SETD3: variants seen among roughly 807,000 people sequenced by gnomAD.
The protein encoded by SETD3 is SET domain containing 3, actin N3(tau)-histidine methyltransferase, also known as actin-histidine N-methyltransferase.
SETD3 carries 19 observed loss-of-function variants against 63.0 expected under a neutral mutation model. That is an observed-to-expected ratio of 0.30 (90% CI 0.21 to 0.44). The LOEUF is 0.44. SETD3 is among the 20% of genes least tolerant of loss of function. The pLI is 1.00. For missense variants in SETD3, 587 were observed against 728.5 expected (o/e 0.81, Z 2.24); for synonymous variants, 286 against 264.1 (o/e 1.08, Z -0.80).
intron 6 of SETD3, among the ~76,000 whole-genome samples, chr14:99,422,428 G>C (rs967297349): frequency 1.3e-5 from 2 of 152,150 alleles, no homozygotes; most frequent in East Asian, 3.9e-4. Flanking sequence ...TTATTGTCAT[G>C]TTGTTAGGGA....
At chr14:99,482,237 C>A (rs1244115537), upstream of SETD3, among the ~76,000 whole-genome samples, 1 of 152,188 alleles carries the variant, frequency 6.6e-6, no homozygotes, top group African/African-American at 2.4e-5. Flanking sequence ...GGGTGGTCTT[C>A]TGTGTTTTTA....
At chr14:99,417,025 C>A (rs1177116347) in intron 6 of SETD3, among the ~76,000 whole-genome samples, 1 of 152,132 alleles carries the variant, frequency 6.6e-6, no homozygotes, top group African/African-American at 2.4e-5. Flanking sequence ...TAAAAAAGAG[C>A]AATATTGCTA....
At chr14:99,485,982 T>C in the SETD3 span, among the ~76,000 whole-genome samples, 1 of 152,266 alleles carries the variant, frequency 6.6e-6, no homozygotes, top group Non-Finnish European at 1.5e-5. Flanking sequence ...TATGTGTATA[T>C]ATGTATTTTC....
At chr14:99,433,522 C>T (rs952860771) in intron 6 of SETD3, among the ~76,000 whole-genome samples, 1 of 152,024 alleles carries the variant, frequency 6.6e-6, no homozygotes, top group Non-Finnish European at 1.5e-5. Context: ...ACTGCAACTG[C>T]TGCCTCCCAG....
intron 6 of SETD3, among the ~76,000 whole-genome samples, chr14:99,444,765 G>A (rs955122669): frequency 6.6e-6 from 1 of 151,916 alleles, no homozygotes; most frequent in Non-Finnish European, 1.5e-5. Flanking sequence ...AGCCTGGCAG[G>A]TGGAGGCTGC....
At chr14:99,482,784 A>G (rs1270095587), upstream of SETD3, among the ~76,000 whole-genome samples, 4 of 152,224 alleles carry the variant, frequency 2.6e-5, no homozygotes, top group Non-Finnish European at 4.4e-5. Context: ...TGAATGTCAT[A>G]AAGAAAAATT....
intron 1 of SETD3, among the ~76,000 whole-genome samples, chr14:99,471,706 AG>A (rs1198139822): frequency 6.6e-6 from 1 of 152,246 alleles, no homozygotes; most frequent in Non-Finnish European, 1.5e-5. Context: ...GAAAAGCTTT[AG>A]GACATTACAT....
chr14:99,461,400 G>T, intron 3 of SETD3, 60 bp from the exon 4 acceptor site: 1 of 1,531,154 alleles, frequency 6.5e-7, no homozygotes. Flanking sequence ...TCATTCACAC[G>T]TCTCTCAGAA....
chr14:99,415,459 C>T (rs1183528521), intron 6 of SETD3, among the ~76,000 whole-genome samples: 2 of 152,126 alleles, frequency 1.3e-5, no homozygotes, highest in Admixed American at 6.5e-5. Context: ...TAGCCTTGGA[C>T]CCTACACAAC....
rs1478727044 is a variant in SETD3, at chr14:99,403,474, CTCTCTCTCTCTCTCTT to C, written c.1177+735_1177+750del. On this transcript the variant is annotated intron_variant, in intron 11 of 12. Transcript: ENST00000331768. Reference sequence around the variant, plus strand: ...ACACACACTCTCTCTCTCTCTCTCTCTCTCTCTCTCTCTCTTTCTCTCTCTTAAAAATGAAACCTCA... The same window carrying C: ...ACACACACTCTCTCTCTCTCTCTCTCTCTCTCTCTTAAAAATGAAACCTCA... 5.6e-3 allele frequency among the ~76,000 whole-genome samples: 846 copies of C among 150,342 alleles called. 11 individuals are homozygous for C. The highest frequency in any genetic ancestry group is 0.02 in the African/African-American group (808 of 40,104).
chr14:99,410,279 GGTT>G, intron 8 of SETD3: 1 of 1,611,486 alleles, frequency 6.2e-7, no homozygotes, highest in Non-Finnish European at 8.5e-7. Flanking sequence ...TGGGGGGACA[GGTT>G]GTTCGGAGAG....
intron 6 of SETD3, among the ~76,000 whole-genome samples, chr14:99,446,600 AG>A (rs1283807898): frequency 6.6e-6 from 1 of 152,092 alleles, no homozygotes; most frequent in East Asian, 1.9e-4. Context: ...CCTGCGTCAC[AG>A]GTAAGGTGGG....
chr14:99,432,667 G>GT (rs1268419650), intron 6 of SETD3, among the ~76,000 whole-genome samples: 1 of 152,194 alleles, frequency 6.6e-6, no homozygotes, highest in Non-Finnish European at 1.5e-5. Flanking sequence ...GGATGCAGAC[G>GT]TAACAGTGAC....
At chr14:99,405,133 C>A in intron 10 of SETD3, 72 bp downstream of exon 10, 2 of 1,517,512 alleles carry the variant, frequency 1.3e-6, no homozygotes, top group Non-Finnish European at 1.8e-6. Flanking sequence ...ATTAACACAC[C>A]AATTAAACAC....
upstream of SETD3, among the ~76,000 whole-genome samples, chr14:99,485,190 C>T (rs1307676087): frequency 6.6e-6 from 1 of 152,176 alleles, no homozygotes; most frequent in Non-Finnish European, 1.5e-5. Flanking sequence ...GCCTTGGAAC[C>T]TAAAGGGACC....
At chr14:99,468,938 G>A (rs1895544406) in intron 1 of SETD3, among the ~76,000 whole-genome samples, 1 of 152,178 alleles carries the variant, frequency 6.6e-6, no homozygotes, top group South Asian at 2.1e-4. Context: ...TGAGCTCCCA[G>A]GGAAGAGCAT....
intron 1 of SETD3, among the ~76,000 whole-genome samples, chr14:99,473,545 G>T (rs754493911): frequency 6.6e-6 from 1 of 152,174 alleles, no homozygotes; most frequent in Non-Finnish European, 1.5e-5. Context: ...CTCAAGCACA[G>T]CATCTGTTTT....
At chr14:99,408,221 C>T (rs1434841970) in intron 8 of SETD3, among the ~76,000 whole-genome samples, 1 of 152,116 alleles carries the variant, frequency 6.6e-6, no homozygotes, top group Non-Finnish European at 1.5e-5. Flanking sequence ...GGTTTATTAA[C>T]CATATGTCTA....
intron 10 of SETD3, 34 bp downstream of exon 10, chr14:99,405,171 G>A (rs776406579): frequency 6.3e-7 from 1 of 1,596,156 alleles, no homozygotes; most frequent in Non-Finnish European, 8.5e-7. Context: ...TTCAAGTACT[G>A]CAAGAAAGGG....
Sources: allele counts gnomAD v4.1 joint callset (sites outside exome capture counted in the v4.1 genomes callset), GRCh38; gene constraint gnomAD v4.1.1; transcripts MANE v1.5; gene names NCBI Gene and HGNC (gene_info 2026-07-23, HGNC 2026-07-21).